PRKAR1B: variants seen among roughly 807,000 people sequenced by gnomAD.
PRKAR1B encodes the protein protein kinase cAMP-dependent type I regulatory subunit beta, also known as cAMP-dependent protein kinase type I-beta regulatory subunit.
A neutral mutation model predicts 46.5 loss-of-function variants in PRKAR1B; 22 were observed. The ratio of observed to expected loss-of-function variants is 0.47; its 90% CI spans 0.34 to 0.68. PRKAR1B has a LOEUF of 0.68. Ranked by LOEUF, PRKAR1B falls within the 30% of genes least tolerant of loss-of-function variation. PRKAR1B has a pLI of 0.01. For synonymous variants in PRKAR1B, 259 were observed against 217.7 expected, an observed-to-expected ratio of 1.19 and a Z score of -1.67; for missense variants, 445 against 535.6, an observed-to-expected ratio of 0.83 and a Z score of 1.67.
At chr7:601,927 G>A (rs1343817359) in intron 6 of PRKAR1B, among the ~76,000 whole-genome samples, 8 of 149,260 alleles carry the variant, frequency 5.4e-5, no homozygotes, top group Admixed American at 5.3e-4. Flanking sequence ...GAGGCGCAGG[G>A]ACGGGCAGGG....
At chr7:658,173 C>T (rs1290403027) in intron 4 of PRKAR1B, among the ~76,000 whole-genome samples, 2 of 152,038 alleles carry the variant, frequency 1.3e-5, no homozygotes, top group African/African-American at 2.4e-5. Context: ...GTGGCTCACA[C>T]CTGTAATCCC....
intron 2 of PRKAR1B, among the ~76,000 whole-genome samples, chr7:701,023 A>C (rs187238380): frequency 6.6e-6 from 1 of 152,176 alleles, no homozygotes; most frequent in Admixed American, 6.6e-5. Context: ...CCCCATCTCT[A>C]AGTAAAATAC....
At chr7:726,510 A>G (rs1007699224) in intron 1 of PRKAR1B, 10 of 387,692 alleles carry the variant, frequency 2.6e-5, no homozygotes, top group Non-Finnish European at 4.5e-5. Context: ...TACAATGGGG[A>G]CAGGACAAGG....
chr7:586,947 G>A (rs191325856), intron 7 of PRKAR1B, among the ~76,000 whole-genome samples: 23 of 149,592 alleles, frequency 1.5e-4, no homozygotes, highest in African/African-American at 4.2e-4. Flanking sequence ...GTAGTGGTGC[G>A]ATCTCGGCTC....
chr7:660,073 G>A (rs113853549), intron 4 of PRKAR1B, among the ~76,000 whole-genome samples: 1,729 of 152,032 alleles, frequency 0.011, 36 homozygotes, highest in African/African-American at 0.04. Flanking sequence ...GCCGCCTTGG[G>A]CTCTCCATCC....
intron 4 of PRKAR1B, among the ~76,000 whole-genome samples, chr7:617,299 CTTT>C (rs71016890): frequency 0.066 from 8,739 of 132,356 alleles, 900 homozygotes; most frequent in African/African-American, 0.22. Context: ...GACCAAGTGC[CTTT>C]TTTTTTTTTT....
chr7:646,851 G>A (rs760789215), intron 4 of PRKAR1B, among the ~76,000 whole-genome samples: 25 of 152,280 alleles, frequency 1.6e-4, no homozygotes, highest in Non-Finnish European at 2.6e-4. Context: ...ACAGGAAGAG[G>A]GTCCAAATCC....
At chr7:688,331 G>A (rs575255708) in intron 2 of PRKAR1B, among the ~76,000 whole-genome samples, 229 of 151,684 alleles carry the variant, frequency 1.5e-3, no homozygotes, top group Non-Finnish European at 2.9e-3. Flanking sequence ...CTTGATCCGG[G>A]AGGTGGAGGT....
At chr7:591,966 G>A (rs751665129) in intron 7 of PRKAR1B, among the ~76,000 whole-genome samples, 17 of 152,322 alleles carry the variant, frequency 1.1e-4, no homozygotes, top group Non-Finnish European at 1.8e-4. Context: ...TGAAGGCACC[G>A]CTGTGGAACC....
chr7:715,857 A>G (rs550559077), intron 1 of PRKAR1B, among the ~76,000 whole-genome samples: 43 of 152,002 alleles, frequency 2.8e-4, no homozygotes, highest in African/African-American at 1.0e-3. Flanking sequence ...CTGGGACTAC[A>G]GGCGCCCGCC....
Position 711,406 on chromosome 7 carries a change from A to G in PRKAR1B, c.100T>C (p.Cys34Arg). The change falls in exon 2 of 11, where the codon TGT becomes CGT. Residue 34 changes from cysteine (C) to arginine (R), a missense_variant. Cys to Arg is a radical substitution (Grantham distance 180). Around this residue, in one of 5 missense-constraint regions of PRKAR1B, gnomAD observed 155 missense variants for 127.5 expected, o/e 1.22. Coordinates refer to ENST00000537384, the MANE Select transcript of PRKAR1B (RefSeq NM_001164760.2). ...LHGIQQVLKD[C>R]IVHLCISKPE... Reference sequence around the variant, plus strand: ...TTGGAGATGCAGAGGTGGACGATACAGTCTTTGAGGACCTGCTGGATCCCG... The same window carrying G: ...TTGGAGATGCAGAGGTGGACGATACGGTCTTTGAGGACCTGCTGGATCCCG... 4 of 1,614,208 alleles carry G rather than the reference A, an allele frequency of 2.5e-6. No homozygotes were observed. The South Asian group carries it at 3.3e-5, about 13-fold the overall frequency.
At chr7:697,731 C>G (rs1039514764) in intron 2 of PRKAR1B, among the ~76,000 whole-genome samples, 1 of 151,608 alleles carries the variant, frequency 6.6e-6, no homozygotes, top group African/African-American at 2.4e-5. Flanking sequence ...AACTGAGGCC[C>G]AGAGAGGGTA....
chr7:555,210 C>T (rs138492225), intron 9 of PRKAR1B, among the ~76,000 whole-genome samples: 3,360 of 152,296 alleles, frequency 0.022, 54 homozygotes, highest in South Asian at 0.035. Flanking sequence ...GGACGTGCCC[C>T]GCTCTGGGGA....
intron 6 of PRKAR1B, among the ~76,000 whole-genome samples, chr7:596,580 C>T (rs1444233359): frequency 6.6e-6 from 1 of 152,240 alleles, no homozygotes; most frequent in Non-Finnish European, 1.5e-5. Flanking sequence ...GAGACAACCA[C>T]ACCAGAGGCG....
At chr7:571,024 C>T (rs1220361737) in intron 9 of PRKAR1B, among the ~76,000 whole-genome samples, 1 of 152,224 alleles carries the variant, frequency 6.6e-6, no homozygotes, top group African/African-American at 2.4e-5. Context: ...TCTCCAGCCC[C>T]GGGACCGGAG....
At chr7:678,592 G>A (rs1032473840) in intron 3 of PRKAR1B, among the ~76,000 whole-genome samples, 27 of 152,218 alleles carry the variant, frequency 1.8e-4, no homozygotes, top group Non-Finnish European at 2.2e-4. Context: ...ATGAAACCAC[G>A]CAGGAAGGTC....
chr7:702,587 G>A (rs1442321615), intron 2 of PRKAR1B, among the ~76,000 whole-genome samples: 1 of 152,170 alleles, frequency 6.6e-6, no homozygotes, highest in African/African-American at 2.4e-5. Flanking sequence ...ACTTTGGGAG[G>A]CCGAGGCAGG....
intron 4 of PRKAR1B, among the ~76,000 whole-genome samples, chr7:660,989 A>G (rs1474593003): frequency 1.9e-3 from 97 of 50,054 alleles, no homozygotes; most frequent in South Asian, 4.1e-3. Context: ...CCACCCCAAC[A>G]GATCCAAATA....
rs1422513356 is a variant in PRKAR1B, at chr7:550,409, G to C, written c.*21C>G. ...ACGGCCACCACACTGGGGAGCTGGG[G>C]CTGCAGGGCGGGAGCTGTGCTCAGA... On this transcript the variant is annotated 3_prime_UTR_variant, in exon 11 of 11. Coordinates refer to ENST00000537384, the MANE Select transcript of PRKAR1B (RefSeq NM_001164760.2). 1.9e-6 allele frequency: 3 copies of C among 1,573,370 alleles called. No individual in the cohort carries two copies. The Admixed American group carries it at 5.5e-5, about 29-fold the overall frequency.
Sources: gnomAD v4.1 joint callset for allele counts (sites outside exome capture counted in the v4.1 genomes callset) on GRCh38, gnomAD v4.1.1 for gene constraint, gnomAD v4.1.1 regional missense constraint, MANE v1.5 for transcripts, NCBI Gene and HGNC (gene_info 2026-07-23, HGNC 2026-07-21) for gene names.